SLC35D4: variants seen among roughly 807,000 people sequenced by gnomAD.
SLC35D4 encodes solute carrier family 35 member D4.
the SLC35D4 span, among the ~76,000 whole-genome samples, chr18:23,351,871 T>C: frequency 6.6e-6 from 1 of 152,236 alleles, no homozygotes. Context: ...TGGCCATTTG[T>C]CTATCTTCCT....
At chr18:23,247,719 C>T in the SLC35D4 span, among the ~76,000 whole-genome samples, 1,251 of 152,316 alleles carry the variant, frequency 8.2e-3, 15 homozygotes, top group African/African-American at 0.029. Flanking sequence ...GTGTTCTTCC[C>T]CACTGAGCCG....
At chr18:23,349,639 A>G in the SLC35D4 span, among the ~76,000 whole-genome samples, 1 of 152,260 alleles carries the variant, frequency 6.6e-6, no homozygotes, top group Admixed American at 6.5e-5. Context: ...TCAAAAAACA[A>G]AACAAAACAA....
At chr18:23,400,085 G>T in the SLC35D4 span, among the ~76,000 whole-genome samples, 7 of 152,168 alleles carry the variant, frequency 4.6e-5, no homozygotes, top group Admixed American at 4.6e-4. Context: ...TTCAAGGGAT[G>T]AAATTGAAAA....
chr18:23,354,354 A>AG, the SLC35D4 span, among the ~76,000 whole-genome samples: 1,439 of 149,406 alleles, frequency 9.6e-3, 27 homozygotes, highest in African/African-American at 0.034. Context: ...ACAAAAAAAA[A>AG]AAAAAAAAAA....
chr18:23,430,678 C>G, the SLC35D4 span: 4 of 1,611,888 alleles, frequency 2.5e-6, no homozygotes, highest in African/African-American at 4.0e-5. Context: ...ACAGCACATA[C>G]TGAAAAACAA....
At chr18:23,352,163 G>C in the SLC35D4 span, 2 of 1,567,050 alleles carry the variant, frequency 1.3e-6, no homozygotes, top group Non-Finnish European at 8.7e-7. Context: ...ACAGGCTCTT[G>C]AGAGAGAATT....
the SLC35D4 span, among the ~76,000 whole-genome samples, chr18:23,246,301 T>C: frequency 1.3e-5 from 2 of 151,626 alleles, no homozygotes; most frequent in Non-Finnish European, 2.9e-5. Context: ...ACTCAGACTG[T>C]CCCAGGCCAA....
chr18:23,245,682 T>C, the SLC35D4 span, among the ~76,000 whole-genome samples: 1 of 152,332 alleles, frequency 6.6e-6, no homozygotes, highest in South Asian at 2.1e-4. Context: ...CAGGGCCTCC[T>C]TGTGAACTGC....
chr18:23,336,088 C>A, the SLC35D4 span, among the ~76,000 whole-genome samples: 1 of 151,764 alleles, frequency 6.6e-6, no homozygotes, highest in Non-Finnish European at 1.5e-5. Flanking sequence ...AAAACAAGAA[C>A]CTTACTCAAA....
the SLC35D4 span, among the ~76,000 whole-genome samples, chr18:23,272,191 T>G: frequency 6.6e-6 from 1 of 152,184 alleles, no homozygotes; most frequent in African/African-American, 2.4e-5. Context: ...TCCAGGTAGA[T>G]AGTGTCAGAA....
chr18:23,250,199 G>C, the SLC35D4 span, among the ~76,000 whole-genome samples: 2 of 152,246 alleles, frequency 1.3e-5, no homozygotes, highest in African/African-American at 4.8e-5. Flanking sequence ...GGATATCCTT[G>C]CTGGTGCTCA....
At chr18:23,362,362 G>A in the SLC35D4 span, among the ~76,000 whole-genome samples, 25 of 152,326 alleles carry the variant, frequency 1.6e-4, no homozygotes, top group South Asian at 5.2e-3. Flanking sequence ...ACTTTGGGAG[G>A]CTGAGGCAGG....
chr18:23,396,794 C>T, the SLC35D4 span, among the ~76,000 whole-genome samples: 1 of 151,996 alleles, frequency 6.6e-6, no homozygotes, highest in Non-Finnish European at 1.5e-5. Flanking sequence ...AAGTGCTGGT[C>T]CTCGAGAAGA....
chr18:23,332,394 G>A, the SLC35D4 span, among the ~76,000 whole-genome samples: 2 of 152,004 alleles, frequency 1.3e-5, no homozygotes, highest in Admixed American at 1.3e-4. Context: ...AAATACTGAG[G>A]AGGGGGAATA....
the SLC35D4 span, among the ~76,000 whole-genome samples, chr18:23,310,038 A>C: frequency 3.3e-5 from 5 of 152,234 alleles, no homozygotes; most frequent in Non-Finnish European, 5.9e-5. Context: ...CGCACAGCCA[A>C]GGCCGCCCTC....
chr18:23,427,034 C>T, the SLC35D4 span, among the ~76,000 whole-genome samples: 1 of 152,206 alleles, frequency 6.6e-6, no homozygotes, highest in Admixed American at 6.5e-5. Flanking sequence ...GGATTAAAGA[C>T]TTAAATGTTA....
At chr18:23,430,929 G>A in the SLC35D4 span, among the ~76,000 whole-genome samples, 1 of 152,098 alleles carries the variant, frequency 6.6e-6, no homozygotes, top group Non-Finnish European at 1.5e-5. Context: ...GGTGAGGCAG[G>A]CAGATCACAA....
chr18:23,268,545 G>A, the SLC35D4 span, among the ~76,000 whole-genome samples: 1 of 151,988 alleles, frequency 6.6e-6, no homozygotes, highest in Non-Finnish European at 1.5e-5. Context: ...GTCAAGGTTC[G>A]AGAGTCACAG....
At chr18:23,319,256 ATTTATTTATTT>A in the SLC35D4 span, among the ~76,000 whole-genome samples, 1 of 65,566 alleles carries the variant, frequency 1.5e-5, no homozygotes, top group Non-Finnish European at 4.2e-5. Context: ...TTATTTATTT[ATTTATTTATTT>A]ATTTATTTAT....
Sources: allele counts gnomAD v4.1 joint callset (sites outside exome capture counted in the v4.1 genomes callset), GRCh38; gene constraint gnomAD v4.1.1; transcripts MANE v1.5; gene names NCBI Gene and HGNC (gene_info 2026-07-23, HGNC 2026-07-21).